Variants in RPS5 observed in about 807,000 individuals in gnomAD.
The protein encoded by RPS5 is small ribosomal subunit protein uS7.
A neutral mutation model predicts 20.9 loss-of-function variants in RPS5; 2 were observed. The observed-to-expected ratio is 0.10, with a 90% CI of 0.04 to 0.30. The LOEUF is 0.30. Ranked by LOEUF, RPS5 falls within the 10% of genes least tolerant of loss-of-function variation. RPS5 has a pLI of 1.00. For synonymous variants in RPS5, 112 were observed against 105.8 expected (o/e 1.06, Z -0.36); for missense variants, 122 against 287.2 (o/e 0.42, Z 4.16).
At position 58,393,886 on chromosome 19, in the gene RPS5, T is replaced by C. The variant is rs146754943; in HGVS notation, c.447+399T>C. On this transcript the variant is annotated intron_variant, in intron 4 of 5. Transcript: ENST00000196551. ...AATTTATATTCACAGCAATAGTCGT[T>C]GTTCCATTTAGCATCTGTCCCCAGA... The C allele has an allele frequency of 9.4e-3, 1,808 of 193,282 alleles. 14 individuals carry two copies. The highest frequency in any genetic ancestry group is 0.013 in the Non-Finnish European group (1,209 of 94,776). The allele number at this position is 193,282 out of a possible 1,614,324, so 12.0% of individuals were successfully genotyped here.
chr19:58,394,441 AG>A, intron 4 of RPS5, 55 bp from the exon 5 acceptor site: 1 of 1,489,182 alleles, frequency 6.7e-7, no homozygotes. Context: ...GAGTGGCCCC[AG>A]GGTGCTGGAG....
In RPS5 at chr19:58,394,687, C is replaced by T. The variant is rs1366202655; in HGVS notation, c.552C>T (p.Ser184=). 7 of 1,613,996 alleles carry T rather than the reference C, an allele frequency of 4.3e-6. No homozygotes were observed. Among genetic ancestry groups the T allele is most frequent in the Non-Finnish European group, 5.9e-6 (7 of 1,180,030 alleles). ...ADELINAAKG[S]SNSYAIKKKD... Reference sequence around the variant, plus strand: ...AGCTGTGTGTCTCCTTGCAGGGCTCCTCGAACTCCTATGCCATTAAGAAGA... The same window carrying T: ...AGCTGTGTGTCTCCTTGCAGGGCTCTTCGAACTCCTATGCCATTAAGAAGA... Residue 184 remains serine, a synonymous_variant, in exon 6 of 6, where the codon TCC becomes TCT. Coordinates refer to ENST00000196551, the MANE Select transcript of RPS5 (RefSeq NM_001009.4).
intron 2 of RPS5, among the ~76,000 whole-genome samples, chr19:58,391,173 C>T (rs757517472): frequency 1.3e-5 from 2 of 151,984 alleles, no homozygotes; most frequent in African/African-American, 2.4e-5. Flanking sequence ...GGCCGGGCGC[C>T]GTAATCCCAG....
In RPS5 at chr19:58,393,106, G is replaced by A. The variant is rs370061857; in HGVS notation, c.239G>A (p.Gly80Asp). ...ERLTNSMMMH[G>D]RNNGKKLMTV... ...CTCACTAACTCCATGATGATGCACG[G>A]CCGCAACAACGGCAAGAAGCTCATG... Residue 80 changes from glycine to aspartate, a missense_variant, in exon 3 of 6, where the codon GGC becomes GAC. Gly to Asp is a moderately conservative substitution (Grantham distance 94, BLOSUM62 -1). Transcript: ENST00000196551. 2.4e-5 allele frequency: 38 copies of A among 1,614,252 alleles called. No homozygotes were observed. The highest frequency in any genetic ancestry group is 3.1e-5 in the Non-Finnish European group (37 of 1,180,050).
In RPS5 at chr19:58,388,185, C is replaced by T; in HGVS notation, c.48C>T (p.Asp16=). 2 of 1,613,294 alleles carry T rather than the reference C, an allele frequency of 1.2e-6. No homozygotes were observed. The highest frequency in any genetic ancestry group is 1.1e-5 in the South Asian group (1 of 90,952). ...CACCAGCGGTGGCAGAGACCCCAGA[C>T]ATCAAGCTCTTTGGGAAGTGGAGCA... ...TAAPAVAETP[D]IKLFGKWSTD... Residue 16 remains aspartate (D), a synonymous_variant, in exon 2 of 6, where the codon GAC becomes GAT. Coordinates refer to ENST00000196551, the MANE Select transcript of RPS5 (RefSeq NM_001009.4).
chr19:58,392,033 G>A (rs576300387), intron 2 of RPS5, among the ~76,000 whole-genome samples: 2 of 152,198 alleles, frequency 1.3e-5, no homozygotes, highest in South Asian at 2.1e-4. Context: ...AAAACTGACC[G>A]GGGTGGTGCC....
intron 2 of RPS5, chr19:58,388,636 G>GTT (rs3048304): frequency 0.16 from 31,336 of 201,278 alleles, 5,287 homozygotes; most frequent in Non-Finnish European, 0.19. Flanking sequence ...GCTGGCCGTA[G>GTT]TTTTTTTTTT....
chr19:58,390,339 C>T (rs531955191), intron 2 of RPS5, among the ~76,000 whole-genome samples: 1 of 150,750 alleles, frequency 6.6e-6, no homozygotes, highest in African/African-American at 2.4e-5. Context: ...GGGTTATAGG[C>T]ATGAGCCACT....
rs779663161 is a variant in RPS5 at position 58,388,259 on chromosome 19, G to A, written c.108+14G>A. 24 of 1,571,328 alleles carry A rather than the reference G, an allele frequency of 1.5e-5. No individual in the cohort carries two copies. Among genetic ancestry groups the A allele is most frequent in the Non-Finnish European group, 2.0e-5 (23 of 1,144,882 alleles). On this transcript the variant is annotated intron_variant, in intron 2 of 5. Transcript: ENST00000196551. Reference sequence around the variant, plus strand: ...ATTTCCCTGCAGGTGAGGGGAACTTGGTGATTGGCCTTCCTGGCTGGGGGC... The same window carrying A: ...ATTTCCCTGCAGGTGAGGGGAACTTAGTGATTGGCCTTCCTGGCTGGGGGC...
chr19:58,390,472 G>C (rs1189848529), intron 2 of RPS5, among the ~76,000 whole-genome samples: 2 of 106,292 alleles, frequency 1.9e-5, no homozygotes, highest in East Asian at 3.1e-4. Flanking sequence ...GAGTCGCTCT[G>C]TCACCCAGGC....
chr19:58,392,685 C>T (rs1006280641), intron 2 of RPS5, among the ~76,000 whole-genome samples: 1 of 151,932 alleles, frequency 6.6e-6, no homozygotes, highest in African/African-American at 2.4e-5. Flanking sequence ...CTATAGTGTG[C>T]AGGACAGCCC....
chr19:58,393,638 A>G, intron 4 of RPS5, 151 bp downstream of exon 4: 1 of 980,162 alleles, frequency 1.0e-6, no homozygotes, highest in South Asian at 1.7e-5. Flanking sequence ...CACCCTGCAT[A>G]GGGGCTGATC....
intron 2 of RPS5, chr19:58,388,456 G>A (rs1368406969): frequency 1.7e-6 from 1 of 573,598 alleles, no homozygotes. Flanking sequence ...TCCTTCACCA[G>A]AAGGAGCATC....
chr19:58,393,293 T>C (rs1173238364), intron 3 of RPS5, 66 bp from the exon 4 acceptor site: 18 of 1,608,392 alleles, frequency 1.1e-5, no homozygotes, highest in Non-Finnish European at 1.4e-5. Context: ...ACTCTTGTTT[T>C]AGGTATGAGG....
chr19:58,393,226 G>T (rs1444985854), intron 3 of RPS5, 41 bp downstream of exon 3: 1 of 1,612,598 alleles, frequency 6.2e-7, no homozygotes, highest in Admixed American at 1.7e-5. Context: ...TGTGCCCTCA[G>T]TACACCCGAA....
Position 58,393,041 on chromosome 19 carries a change from C to G in RPS5, c.174C>G (p.Ala58=), listed in dbSNP as rs1046168621. 1.9e-6 allele frequency: 3 copies of G among 1,614,050 alleles called. No individual in the cohort carries two copies. The highest frequency in any genetic ancestry group is 2.7e-5 in the African/African-American group (2 of 74,954). Residue 58 remains alanine (A), a synonymous_variant, in exon 3 of 6, where the codon GCC becomes GCG. Transcript: ENST00000196551. ...YLPHSAGRYA[A]KRFRKAQCPI... ...CTCACAGTGCAGGGCGGTATGCCGC[C>G]AAACGCTTCCGCAAAGCTCAGTGTC...
At chr19:58,393,699 TC>T in intron 4 of RPS5, 1 of 590,390 alleles carries the variant, frequency 1.7e-6, no homozygotes, top group Non-Finnish European at 2.9e-6. Context: ...CTTCTTTCTT[TC>T]CTTTGGGTGT....
chr19:58,392,332 A>G (rs8110182), intron 2 of RPS5, among the ~76,000 whole-genome samples: 66,985 of 148,574 alleles, frequency 0.45, 15,140 homozygotes, highest in East Asian at 0.52. Context: ...AAGGGGGGGA[A>G]AAAAAAAACT....
rs185785414 is a variant in RPS5, at chr19:58,394,605, G to T, written c.546+10G>T. The stretch of plus-strand genomic sequence containing the variant: ...CATCAATGCTGCCAAGGTGGGTGAG[G>T]GCACTCCGGTTGGGGGGTCTTAAGT... On this transcript the variant is annotated intron_variant, in intron 5 of 5. Transcript: ENST00000196551. 6.2e-7 allele frequency: 1 copy of T among 1,613,962 alleles called. No homozygotes were observed. The highest frequency in any genetic ancestry group is 1.3e-5 in the African/African-American group (1 of 75,018).
Sources: gnomAD v4.1 joint callset for allele counts (sites outside exome capture counted in the v4.1 genomes callset) on GRCh38, gnomAD v4.1.1 for gene constraint, MANE v1.5 for transcripts, NCBI Gene and HGNC (gene_info 2026-07-23, HGNC 2026-07-21) for gene names.